DSG1: variants seen among roughly 807,000 people sequenced by gnomAD.
DSG1 encodes desmoglein 1.
In DSG1, 39 loss-of-function variants were observed where a neutral mutation model predicts 97.5. The ratio of observed to expected loss-of-function variants is 0.40; its 90% confidence interval spans 0.31 to 0.52. The LOEUF (loss-of-function observed/expected upper bound fraction) is 0.52, where lower values mean the gene tolerates loss of function less well. DSG1 is among the 20% of genes least tolerant of loss of function. The pLI is 0.53. For missense variants in DSG1, 1,311 were observed against 1,295.4 expected (o/e 1.01, Z -0.18); for synonymous variants, 475 against 443.4 (o/e 1.07, Z -0.90).
At chr18:31,341,427 G>T (rs879368163) in intron 11 of DSG1, among the ~76,000 whole-genome samples, 20 of 152,160 alleles carry the variant, frequency 1.3e-4, no homozygotes, top group Non-Finnish European at 2.8e-4. Context: ...GGTTTTCTCT[G>T]ATTTTAAATA....
At chr18:31,348,678 G>T (rs1461589062) in intron 14 of DSG1, among the ~76,000 whole-genome samples, 2 of 149,128 alleles carry the variant, frequency 1.3e-5, no homozygotes, top group Non-Finnish European at 3.0e-5. Flanking sequence ...GTGTGAGATG[G>T]TATCTCATTG....
chr18:31,328,369 T>C, intron 4 of DSG1, 25 bp downstream of exon 4: 1 of 1,601,642 alleles, frequency 6.2e-7, no homozygotes. Flanking sequence ...TGTCAATATA[T>C]ATGTTCATGC....
intron 1 of DSG1, among the ~76,000 whole-genome samples, chr18:31,319,087 G>A (rs77523198): frequency 0.016 from 2,441 of 152,260 alleles, 69 homozygotes; most frequent in African/African-American, 0.054. Context: ...TTGATCGTCT[G>A]ACGAATGTAA....
At chr18:31,333,820 G>A in intron 7 of DSG1, 97 bp downstream of exon 7, 1 of 1,436,600 alleles carries the variant, frequency 7.0e-7, no homozygotes, top group Non-Finnish European at 9.8e-7. Context: ...TATGTTTATT[G>A]ACATACAACC....
At chr18:31,346,346 A>C (rs1346626359) in intron 14 of DSG1, 148 bp downstream of exon 14, 1 of 739,448 alleles carries the variant, frequency 1.4e-6, no homozygotes, top group African/African-American at 1.7e-5. Flanking sequence ...CCATGCTGTT[A>C]ATGAATTATA....
Position 31,339,859 on chromosome 18 carries a change from A to G in DSG1, c.1521A>G (p.Gln507=). Residue 507 remains glutamine (Q), a synonymous_variant, in exon 11 of 15, where the codon CAA becomes CAG. Transcript: ENST00000257192. ...NTKITTNTGR[Q]ESTSSTNYDT... The stretch of plus-strand genomic sequence containing the variant: ...AAATTACTACCAATACTGGCAGACA[A>G]GAAAGTACTTCTTCCACTAACTATG... 1 of 1,614,122 alleles carries G rather than the reference A, an allele frequency of 6.2e-7. No homozygotes were observed. The highest frequency in any genetic ancestry group is 8.5e-7 in the Non-Finnish European group (1 of 1,180,008).
In DSG1 at chr18:31,343,934, C is replaced by T. The variant is rs759219015; in HGVS notation, c.1830C>T (p.Thr610=). ...TGTTTCCTGTCTTTTAGGATATAAC[C>T]ACTGTCATACCACAAATACCACCTG... is the stretch of plus-strand genomic sequence containing the variant. The part of the protein sequence containing the change: ...EGPQPEPRDI[T]TVIPQIPPDN... Residue 610 remains threonine, a synonymous_variant, in exon 13 of 15, where the codon ACC becomes ACT. Transcript: ENST00000257192. The T allele has an allele frequency of 1.2e-6, 2 of 1,611,838 alleles. No homozygotes were observed. Among genetic ancestry groups the T allele is most frequent in the Non-Finnish European group, 1.7e-6 (2 of 1,178,228 alleles).
Position 31,356,729 on chromosome 18 carries a change from C to T in DSG1, c.*1383C>T, listed in dbSNP as rs964204477. ...ATTTTAAATTCCTGATTTGATTTGT[C>T]AATAAGATCTTGGCTTATATATGCT... is the stretch of plus-strand genomic sequence containing the variant. On this transcript the variant is annotated 3_prime_UTR_variant, in exon 15 of 15. Transcript: ENST00000257192. 2 of 152,016 alleles carry T rather than the reference C, an allele frequency of 1.3e-5. No individual in the cohort carries two copies. Among genetic ancestry groups the T allele is most frequent in the Non-Finnish European group, 2.9e-5 (2 of 67,998 alleles). 9.4% of individuals were successfully genotyped at this position (152,016 alleles called of 1,614,324 possible).
chr18:31,350,620 C>T (rs1354950211), intron 14 of DSG1, among the ~76,000 whole-genome samples: 1 of 148,268 alleles, frequency 6.7e-6, no homozygotes, highest in Non-Finnish European at 1.5e-5. Context: ...GATTGGTAAG[C>T]TATTGATTAT....
At chr18:31,336,714 A>C in intron 9 of DSG1, 101 bp downstream of exon 9, 1 of 1,252,936 alleles carries the variant, frequency 8.0e-7, no homozygotes, top group Non-Finnish European at 1.1e-6. Context: ...ACTTTTCATT[A>C]TTTTTGAAAC....
Position 31,345,456 on chromosome 18 carries a change from T to A in DSG1, c.1892-534T>A, listed in dbSNP as rs919225080. 9.5e-5 allele frequency: 15 copies of A among 158,314 alleles called. 1 individual carries two copies. The highest frequency in any genetic ancestry group is 2.5e-4 in the Admixed American group (4 of 16,102). The allele number at this position is 158,314 out of a possible 1,614,324, so 9.8% of individuals were successfully genotyped here. On this transcript the variant is annotated intron_variant, in intron 13 of 14. Transcript: ENST00000257192. ...GTTCTAATTTTAGTATACGTGCTAC[T>A]GAAGCGAGTACCTACCTCAAATATA... is the stretch of plus-strand genomic sequence containing the variant.
intron 8 of DSG1, among the ~76,000 whole-genome samples, chr18:31,334,600 T>C (rs2071740478): frequency 1.3e-5 from 2 of 152,204 alleles, no homozygotes; most frequent in African/African-American, 2.4e-5. Context: ...ATTACACATG[T>C]AGAATATTCA....
chr18:31,354,722 C>T lies in DSG1; in HGVS notation c.2526C>T (p.Thr842=). The T allele has an allele frequency of 1.2e-6, 2 of 1,614,126 alleles. No individual in the cohort carries two copies. Among genetic ancestry groups the T allele is most frequent in the Middle Eastern group, 3.3e-4 (2 of 6,062 alleles). Residue 842 remains threonine, a synonymous_variant, in exon 15 of 15, where the codon ACC becomes ACT. Coordinates refer to ENST00000257192, the MANE Select transcript of DSG1 (RefSeq NM_001942.4). The part of the protein sequence containing the change: ...YGNVTVTESY[T]TSDTLKPSVH... ...ATGTCACTGTGACCGAGTCTTACAC[C>T]ACCTCTGACACTCTGAAGCCCTCTG...
At chr18:31,321,382 G>T (rs539288602) in intron 1 of DSG1, among the ~76,000 whole-genome samples, 17 of 152,196 alleles carry the variant, frequency 1.1e-4, no homozygotes, top group Non-Finnish European at 2.4e-4. Context: ...AGAGCTCTTT[G>T]TGCTTTCTTG....
chr18:31,337,681 T>C (rs1190763354), intron 9 of DSG1, among the ~76,000 whole-genome samples: 1 of 152,178 alleles, frequency 6.6e-6, no homozygotes, highest in Non-Finnish European at 1.5e-5. Context: ...GTGAGTTCAC[T>C]GAAGGTAGAC....
chr18:31,328,500 C>A (rs1276791995), intron 4 of DSG1, among the ~76,000 whole-genome samples, 156 bp downstream of exon 4: 1 of 151,988 alleles, frequency 6.6e-6, no homozygotes, highest in African/African-American at 2.4e-5. Context: ...AAAAGAAATG[C>A]AAAGATTAAG....
chr18:31,354,133 A>T (rs754144473), intron 14 of DSG1, 164 bp from the exon 15 acceptor site: 2 of 633,680 alleles, frequency 3.2e-6, no homozygotes, highest in Non-Finnish European at 5.4e-6. Flanking sequence ...AATTATTTCA[A>T]ATAATTATAA....
chr18:31,338,478 A>G (rs1470862257), intron 10 of DSG1, 24 bp downstream of exon 10: 4 of 1,608,716 alleles, frequency 2.5e-6, no homozygotes, highest in East Asian at 2.2e-5. Context: ...TTACATTTTT[A>G]TCTTTTCTAG....
In DSG1 at chr18:31,355,060, T is replaced by C. The variant is rs1194141108; in HGVS notation, c.2864T>C (p.Val955Ala). 3 of 1,613,966 alleles carry C rather than the reference T, an allele frequency of 1.9e-6. No individual in the cohort carries two copies. The highest frequency in any genetic ancestry group is 2.2e-5 in the East Asian group (1 of 44,872). The change falls in exon 15 of 15, where the codon GTT becomes GCT. Residue 955 changes from valine (V) to alanine (A), a missense_variant. Physicochemically the swap from Val to Ala is moderately conservative, Grantham distance 64. Around this residue, in one of 3 missense-constraint regions of DSG1, gnomAD observed 1,038 missense variants for 964.6 expected, o/e 1.08. Transcript: ENST00000257192. ...NAHNVIVTER[V>A]VSGAGVTGIS... is the part of the protein sequence containing the mutation. ...CACAATGTCATTGTGACAGAGAGGG[T>C]TGTTTCTGGTGCTGGCGTAACTGGA...
Sources: allele counts gnomAD v4.1 joint callset (sites outside exome capture counted in the v4.1 genomes callset), GRCh38; gene constraint gnomAD v4.1.1; regional missense constraint gnomAD v4.1.1; transcripts MANE v1.5; gene names NCBI Gene and HGNC (gene_info 2026-07-23, HGNC 2026-07-21).